Variants in WDR47 observed in about 807,000 individuals in gnomAD.
WDR47 encodes the protein WD repeat-containing protein 47.
WDR47 carries 32 observed loss-of-function variants against 97.2 expected under a neutral mutation model. The observed-to-expected ratio is 0.33, with a 90% CI of 0.25 to 0.44. The LOEUF is 0.44. Among genes scored for constraint, WDR47 ranks in the 20% least tolerant of loss-of-function variants. The probability of loss-of-function intolerance (pLI) is 1.00; values close to 1 mark genes in which losing one functional copy is unlikely to be tolerated. For synonymous variants in WDR47, 375 were observed against 373.5 expected (o/e 1.00, Z -0.05); for missense variants, 782 against 1,102.3 (o/e 0.71, Z 4.11).
intron 4 of WDR47, 105 bp downstream of exon 4, chr1:109,013,736 T>C: frequency 1.6e-6 from 2 of 1,242,134 alleles, no homozygotes; most frequent in Non-Finnish European, 1.1e-6. Flanking sequence ...TCCCAGCTCA[T>C]AAAAACTCTG....
At chr1:108,991,361 T>C (rs768109050) in intron 8 of WDR47, 32 bp from the exon 9 acceptor site, 21 of 1,564,354 alleles carry the variant, frequency 1.3e-5, no homozygotes, top group East Asian at 1.1e-4. Context: ...TAAAGTTTAC[T>C]CCATGTATCA....
chr1:109,020,999 T>C (rs1661798728), intron 2 of WDR47, among the ~76,000 whole-genome samples: 1 of 152,012 alleles, frequency 6.6e-6, no homozygotes, highest in Non-Finnish European at 1.5e-5. Context: ...ACTTCATTTC[T>C]TGAGGCTTTC....
chr1:108,985,387 T>A (rs1013580455), intron 10 of WDR47, among the ~76,000 whole-genome samples: 1 of 152,202 alleles, frequency 6.6e-6, no homozygotes, highest in Non-Finnish European at 1.5e-5. Flanking sequence ...CCTCCTTAGA[T>A]CTCAACTTTA....
intron 13 of WDR47, among the ~76,000 whole-genome samples, chr1:108,981,399 G>T (rs1026851490): frequency 1.3e-5 from 2 of 152,094 alleles, no homozygotes; most frequent in Non-Finnish European, 2.9e-5. Context: ...GGAATGGAAA[G>T]AAAATAGTAC....
At chr1:109,024,300 A>C (rs775765084) in intron 1 of WDR47, among the ~76,000 whole-genome samples, 7 of 152,142 alleles carry the variant, frequency 4.6e-5, no homozygotes, top group Non-Finnish European at 7.4e-5. Flanking sequence ...AAAAAAATTA[A>C]AAAATTAGCA....
chr1:108,982,755 T>C lies in WDR47; in HGVS notation c.2120A>G (p.His707Arg). The C allele has an allele frequency of 6.2e-7, 1 of 1,611,224 alleles. No homozygotes were observed. Among genetic ancestry groups the C allele is most frequent in the East Asian group, 2.2e-5 (1 of 44,866 alleles). Residue 707 changes from histidine to arginine, a missense_variant, in exon 12 of 15, where the codon CAT becomes CGT. His to Arg is a conservative substitution (Grantham distance 29). Transcript: ENST00000369962. ...ATGPDLEFSM[H>R]DGTIRDLAFM... ...TGCCAAGTCTCTAATTGTTCCATCATGCATACTAAATTCCAGATCTGGTCC... is the reference window on the plus strand; with the variant it reads ...TGCCAAGTCTCTAATTGTTCCATCACGCATACTAAATTCCAGATCTGGTCC...
chr1:109,023,119 C>G (rs1204773085), intron 2 of WDR47, among the ~76,000 whole-genome samples: 2 of 151,706 alleles, frequency 1.3e-5, no homozygotes, highest in Admixed American at 6.6e-5. Context: ...AGGAGAATGG[C>G]GTGAACCCGG....
chr1:109,009,906 G>A (rs1012299897), intron 5 of WDR47, among the ~76,000 whole-genome samples: 20 of 151,930 alleles, frequency 1.3e-4, no homozygotes, highest in African/African-American at 4.6e-4. Context: ...GCTGAGGCAG[G>A]AGAATTGCTT....
chr1:109,017,486 T>C, intron 3 of WDR47, 32 bp downstream of exon 3: 3 of 1,555,396 alleles, frequency 1.9e-6, no homozygotes, highest in Non-Finnish European at 2.6e-6. Flanking sequence ...CTACCAATGA[T>C]GAGACACTAA....
intron 3 of WDR47, among the ~76,000 whole-genome samples, chr1:109,015,855 T>C (rs967359545): frequency 6.6e-6 from 1 of 151,224 alleles, no homozygotes; most frequent in Non-Finnish European, 1.5e-5. Flanking sequence ...CAGTGGTGCA[T>C]GCCTGTAGTC....
intron 7 of WDR47, among the ~76,000 whole-genome samples, chr1:109,000,354 C>G (rs1038594500): frequency 6.6e-6 from 1 of 151,530 alleles, no homozygotes; most frequent in Non-Finnish European, 1.5e-5. Context: ...ACTAAAAATA[C>G]AAAAATTAGC....
chr1:108,972,490 T>G (rs889378170), intron 14 of WDR47, among the ~76,000 whole-genome samples: 1 of 152,178 alleles, frequency 6.6e-6, no homozygotes, highest in African/African-American at 2.4e-5. Flanking sequence ...AAAATGCTTA[T>G]AGCCCACCAA....
At chr1:108,982,513 G>A (rs1658425481) in intron 12 of WDR47, 96 bp downstream of exon 12, 2 of 1,437,194 alleles carry the variant, frequency 1.4e-6, no homozygotes, top group East Asian at 4.6e-5. Flanking sequence ...GACAGTAAGA[G>A]CAAGACCCTG....
intron 1 of WDR47, among the ~76,000 whole-genome samples, chr1:109,036,998 A>G (rs144032613): frequency 0.011 from 1,602 of 152,210 alleles, 15 homozygotes; most frequent in Non-Finnish European, 0.017. Flanking sequence ...CTGTTTTTGC[A>G]CTTCCCGGAA....
chr1:109,016,055 C>T lies in WDR47; in HGVS notation c.242+1463G>A, dbSNP rs1392701673. Among the ~76,000 whole-genome samples, 3 of 151,106 alleles carry T rather than the reference C, an allele frequency of 2.0e-5. No individual in the cohort carries two copies. In the East Asian group the frequency reaches 5.9e-4, roughly 30 times the overall value. On this transcript the variant is annotated intron_variant, in intron 3 of 14. Coordinates refer to ENST00000369962, the MANE Select transcript of WDR47 (RefSeq NM_001142551.2). ...GCATAAGGCTTTCCAGCTGAGGGCA[C>T]TCCCCAGTTCACACAGTGTGAGCTA...
intron 7 of WDR47, 91 bp from the exon 8 acceptor site, chr1:108,995,928 A>G: frequency 7.9e-7 from 1 of 1,271,848 alleles, no homozygotes; most frequent in Non-Finnish European, 1.1e-6. Flanking sequence ...AGGTAAAAAT[A>G]TGCACATATA....
At chr1:109,026,050 CTT>C (rs557580439) in intron 1 of WDR47, among the ~76,000 whole-genome samples, 1 of 144,922 alleles carries the variant, frequency 6.9e-6, no homozygotes. Context: ...TCACTAAATT[CTT>C]TTTTTTTTTT....
chr1:108,992,204 T>G (rs948662886), intron 8 of WDR47: 12 of 755,412 alleles, frequency 1.6e-5, no homozygotes, highest in Non-Finnish European at 2.9e-5. Context: ...AATTAGATAA[T>G]AAGAAAGACC....
At chr1:108,987,133 C>A (rs2101837870) in intron 9 of WDR47, 1 of 192,186 alleles carries the variant, frequency 5.2e-6, no homozygotes. Context: ...CCTTAGCCCT[C>A]CTGCAGCCAG....
Sources: gnomAD v4.1 joint callset for allele counts (sites outside exome capture counted in the v4.1 genomes callset) on GRCh38, gnomAD v4.1.1 for gene constraint, MANE v1.5 for transcripts, NCBI Gene and HGNC (gene_info 2026-07-23, HGNC 2026-07-21) for gene names.